The following KCMF1 variants were observed in gnomAD, a reference collection of about 807,000 sequenced individuals.
KCMF1 encodes potassium channel modulatory factor 1.
In KCMF1, 3 loss-of-function variants were observed where a neutral mutation model predicts 41.1. That is an observed-to-expected ratio of 0.07 (90% confidence interval 0.03 to 0.19). The LOEUF (loss-of-function observed/expected upper bound fraction) is 0.19. Ranked by LOEUF, KCMF1 falls within the 10% of genes least tolerant of loss-of-function variation. The pLI is 1.00. For synonymous variants in KCMF1, 142 were observed against 164.5 expected (o/e 0.86, Z 1.04); for missense variants, 286 against 488.9 (o/e 0.58, Z 3.91).
At chr2:84,985,089 A>C (rs1673868386) in intron 1 of KCMF1, among the ~76,000 whole-genome samples, 1 of 152,178 alleles carries the variant, frequency 6.6e-6, no homozygotes, top group Non-Finnish European at 1.5e-5. Context: ...GGAAAAAAAA[A>C]TACGACTGAG....
chr2:85,008,269 TA>T (rs1157999758), intron 1 of KCMF1, among the ~76,000 whole-genome samples: 1 of 110,988 alleles, frequency 9.0e-6, no homozygotes, highest in African/African-American at 3.5e-5. Context: ...ATATCATATA[TA>T]ATATATAATA....
At chr2:85,039,116 AGTGTT>A (rs1675466757) in intron 3 of KCMF1, among the ~76,000 whole-genome samples, 1 of 152,242 alleles carries the variant, frequency 6.6e-6, no homozygotes, top group Admixed American at 6.5e-5. Flanking sequence ...TTTAAACTAA[AGTGTT>A]AAGTTAGTTC....
chr2:85,040,803 C>T (rs1382371291), intron 3 of KCMF1, among the ~76,000 whole-genome samples: 1 of 149,586 alleles, frequency 6.7e-6, no homozygotes, highest in Non-Finnish European at 1.5e-5. Context: ...CTCTGTCGCT[C>T]AGGCTGGAGT....
At chr2:85,021,733 A>C (rs1417992945) in intron 1 of KCMF1, among the ~76,000 whole-genome samples, 1 of 152,158 alleles carries the variant, frequency 6.6e-6, no homozygotes, top group Non-Finnish European at 1.5e-5. Flanking sequence ...TCATAGATGA[A>C]GAGAAATTGA....
chr2:85,045,296 A>G (rs1177755755), intron 4 of KCMF1, among the ~76,000 whole-genome samples: 1 of 152,050 alleles, frequency 6.6e-6, no homozygotes. Context: ...ATATATAAAT[A>G]TGATCATATC....
At chr2:85,022,955 T>A (rs1444956781) in intron 1 of KCMF1, among the ~76,000 whole-genome samples, 2 of 147,164 alleles carry the variant, frequency 1.4e-5, no homozygotes, top group Non-Finnish European at 3.0e-5. Flanking sequence ...GTGGCTGATC[T>A]CAGCTCACTG....
rs937304649 is a variant in KCMF1, at chr2:84,997,857, G to A, written c.16+26390G>A. On this transcript the variant is annotated intron_variant, in intron 1 of 6. Transcript: ENST00000409785. The stretch of plus-strand genomic sequence containing the variant: ...GCAATCCTGGCTCACTGCAACGTCC[G>A]CCTCCTGGATTCAAGTGTTCTCATG... Among the ~76,000 whole-genome samples the A allele has an allele frequency of 6.1e-5, 8 of 131,604 alleles. No individual in the cohort carries two copies. In the South Asian group the frequency reaches 1.6e-3, roughly 26 times the overall value. The allele number at this position is 131,604 out of a possible 152,430, so 86.3% of individuals were successfully genotyped here. A position where few individuals can be genotyped will look rare whatever the true frequency, so the allele number is the denominator to read the frequency against.
At chr2:84,974,681 ATATATATATATTTTTTTTTTTTT>A (rs1300512126) in intron 1 of KCMF1, among the ~76,000 whole-genome samples, 4 of 37,706 alleles carry the variant, frequency 1.1e-4, no homozygotes, top group African/African-American at 5.0e-4. Context: ...ATATATATAT[ATATATATATATTTTTTTTTTTTT>A]TTTTTTTTTT....
At chr2:85,049,285 G>A in intron 5 of KCMF1, 81 bp from the exon 6 acceptor site, 1 of 1,389,644 alleles carries the variant, frequency 7.2e-7, no homozygotes, top group Non-Finnish European at 1.0e-6. Flanking sequence ...TTTTGATGTT[G>A]TTCCAGTAAA....
intron 1 of KCMF1, among the ~76,000 whole-genome samples, chr2:85,003,298 C>A (rs1284170666): frequency 6.6e-6 from 1 of 151,964 alleles, no homozygotes; most frequent in Non-Finnish European, 1.5e-5. Context: ...ACGGTGAAAC[C>A]CCGTCTCTAC....
At chr2:85,024,553 TGAGAGAGA>T (rs377478206) in intron 1 of KCMF1, among the ~76,000 whole-genome samples, 3,597 of 141,744 alleles carry the variant, frequency 0.025, 88 homozygotes, top group African/African-American at 0.054. Context: ...ATTTGGAGAG[TGAGAGAGA>T]GAGAGAGAGA....
chr2:84,998,879 T>C (rs1279989424), intron 1 of KCMF1, among the ~76,000 whole-genome samples: 2 of 151,836 alleles, frequency 1.3e-5, no homozygotes, highest in African/African-American at 4.8e-5. Flanking sequence ...CCCAAAGTGC[T>C]GGGATTACAG....
chr2:85,041,965 C>T (rs1675548317), intron 3 of KCMF1, among the ~76,000 whole-genome samples: 1 of 152,070 alleles, frequency 6.6e-6, no homozygotes. Context: ...AGTTAAATCC[C>T]TAGTAAAGAG....
Position 84,972,471 on chromosome 2 carries a change from C to T in KCMF1, c.16+1004C>T, listed in dbSNP as rs1026470495. On this transcript the variant is annotated intron_variant, in intron 1 of 6. Transcript: ENST00000409785. ...AGGGGGTTGTGTTTTCTTTGTTTCA[C>T]TACTACAGGTTTTTGGATAAAAAGT... 1.6e-4 allele frequency among the ~76,000 whole-genome samples: 24 copies of T among 152,180 alleles called. 1 individual carries two copies. The highest frequency in any genetic ancestry group is 5.3e-4 in the African/African-American group (22 of 41,434).
At chr2:85,048,022 G>A (rs780317202) in intron 5 of KCMF1, among the ~76,000 whole-genome samples, 17 of 152,114 alleles carry the variant, frequency 1.1e-4, no homozygotes, top group Non-Finnish European at 1.9e-4. Flanking sequence ...TGGGTCCTGG[G>A]TGATGTAATA....
intron 1 of KCMF1, among the ~76,000 whole-genome samples, chr2:85,026,498 T>A (rs867239949): frequency 1.0e-3 from 131 of 125,554 alleles, no homozygotes; most frequent in African/African-American, 3.1e-3. Flanking sequence ...TATTATTATT[T>A]TTATTTTTTC....
At chr2:84,988,167 G>A (rs1419497719) in intron 1 of KCMF1, among the ~76,000 whole-genome samples, 1 of 152,132 alleles carries the variant, frequency 6.6e-6, no homozygotes, top group East Asian at 1.9e-4. Flanking sequence ...AGGAGGCAGA[G>A]GTTGCGGTGA....
chr2:85,033,339 CTTTAA>C lies in KCMF1; in HGVS notation c.185-1673_185-1669del, dbSNP rs576192556. Among the ~76,000 whole-genome samples, 45 of 152,112 alleles carry C rather than the reference CTTTAA, an allele frequency of 3.0e-4. 1 individual carries two copies. The South Asian group carries it at 7.9e-3, about 27-fold the overall frequency. The stretch of plus-strand genomic sequence containing the variant: ...TTAGTGGCGTAACACACTGAATATA[CTTTAA>C]TTTTATTTTATGTTTCTGTCTCTCT... On this transcript the variant is annotated intron_variant, in intron 2 of 6. Transcript: ENST00000409785.
intron 1 of KCMF1, among the ~76,000 whole-genome samples, chr2:85,020,937 AT>A (rs1347893958): frequency 6.6e-6 from 1 of 152,058 alleles, no homozygotes; most frequent in Non-Finnish European, 1.5e-5. Flanking sequence ...TTGTATGATC[AT>A]AGCTCACAGC....
Sources: gnomAD v4.1 joint callset for allele counts (sites outside exome capture counted in the v4.1 genomes callset) on GRCh38, gnomAD v4.1.1 for gene constraint, MANE v1.5 for transcripts, NCBI Gene and HGNC (gene_info 2026-07-23, HGNC 2026-07-21) for gene names.